Variants in THRAP3 observed in about 807,000 individuals in gnomAD.
THRAP3 encodes thyroid hormone receptor associated protein 3.
A neutral mutation model predicts 101.0 loss-of-function variants in THRAP3; 16 were observed. That is an observed-to-expected ratio of 0.16 (90% confidence interval 0.11 to 0.24). THRAP3 has a LOEUF of 0.24. Among genes scored for constraint, THRAP3 ranks in the 10% least tolerant of loss-of-function variants. THRAP3 has a pLI of 1.00. For missense variants in THRAP3, 989 were observed against 1,202.7 expected (o/e 0.82, Z 2.63); for synonymous variants, 407 against 422.6 (o/e 0.96, Z 0.45).
intron 1 of THRAP3, among the ~76,000 whole-genome samples, chr1:36,227,525 G>T (rs1008291269): frequency 6.6e-6 from 1 of 152,046 alleles, no homozygotes; most frequent in Non-Finnish European, 1.5e-5. Context: ...TAGGTGATCC[G>T]CCTGCCTCGG....
intron 1 of THRAP3, among the ~76,000 whole-genome samples, chr1:36,247,409 C>T (rs1191789404): frequency 8.6e-5 from 13 of 152,040 alleles, no homozygotes; most frequent in South Asian, 2.1e-4. Flanking sequence ...ACTGCAACCT[C>T]GGCCTCGTAG....
At chr1:36,284,204 T>C (rs1645767871) in intron 3 of THRAP3, among the ~76,000 whole-genome samples, 1 of 152,228 alleles carries the variant, frequency 6.6e-6, no homozygotes, top group Non-Finnish European at 1.5e-5. Context: ...ACAGCTGGAA[T>C]TCCGGGCAGT....
chr1:36,293,723 AT>A, intron 7 of THRAP3, 127 bp from the exon 8 acceptor site: 1 of 701,788 alleles, frequency 1.4e-6, no homozygotes, highest in East Asian at 2.7e-5. Flanking sequence ...AAAGTAATAG[AT>A]ACATAAGTCA....
At chr1:36,277,414 G>T (rs1041152821) in intron 2 of THRAP3, among the ~76,000 whole-genome samples, 3 of 151,942 alleles carry the variant, frequency 2.0e-5, no homozygotes, top group Non-Finnish European at 4.4e-5. Flanking sequence ...TGGTCAGGCT[G>T]GTCTCGAACT....
In THRAP3 at chr1:36,296,770, A is replaced by T; in HGVS notation, c.2303A>T (p.Lys768Met). Residue 768 changes from lysine (K) to methionine (M), a missense_variant and splice_region_variant, in exon 9 of 12, where the codon AAG becomes ATG. Transcript: ENST00000354618. Reference sequence around the variant, plus strand: ...ACTCATAAAGGATCAAAGAAACAGAAGTACGTAAGCCCCTGTTACCCCTTC... The same window carrying T: ...ACTCATAAAGGATCAAAGAAACAGATGTACGTAAGCCCCTGTTACCCCTTC... ...EKTHKGSKKQ[K>M]KHRRARDRSR... The T allele has an allele frequency of 6.3e-7, 1 of 1,586,838 alleles. No individual in the cohort carries two copies. The highest frequency in any genetic ancestry group is 8.5e-7 in the Non-Finnish European group (1 of 1,171,252).
Position 36,301,687 on chromosome 1 carries a change from G to T in THRAP3, c.2637G>T (p.Lys879Asn). The T allele has an allele frequency of 6.2e-7, 1 of 1,613,314 alleles. No homozygotes were observed. The highest frequency in any genetic ancestry group is 8.5e-7 in the Non-Finnish European group (1 of 1,179,526). ...WDPEYTPKSK[K>N]YYLHDDREGE... is the part of the protein sequence containing the mutation. ...CAGAGTACACACCCAAAAGCAAGAA[G>T]TATTACTTGGTATGTGTCTGGGGAT... The change falls in exon 11 of 12, where the codon AAG becomes AAT. Residue 879 changes from lysine (K) to asparagine (N), a missense_variant. Physicochemically the swap from Lys to Asn is moderately conservative, Grantham distance 94. Transcript: ENST00000354618.
intron 9 of THRAP3, among the ~76,000 whole-genome samples, chr1:36,297,444 A>ATTTTTTTT (rs764365723): frequency 8.2e-6 from 1 of 122,372 alleles, no homozygotes; most frequent in Non-Finnish European, 1.7e-5. Context: ...GCTGGCAAGC[A>ATTTTTTTT]TTTTTTTTTT....
intron 2 of THRAP3, among the ~76,000 whole-genome samples, chr1:36,278,518 G>A (rs1168001642): frequency 6.6e-6 from 1 of 152,168 alleles, no homozygotes; most frequent in Non-Finnish European, 1.5e-5. Context: ...CTTCTGAAAA[G>A]GATGATGGGC....
At chr1:36,208,716 G>C in the THRAP3 span, among the ~76,000 whole-genome samples, 2 of 152,028 alleles carry the variant, frequency 1.3e-5, no homozygotes, top group African/African-American at 4.8e-5. Context: ...CCCCAGGCTG[G>C]TATGCAGTGG....
chr1:36,250,086 T>C (rs866717665), intron 1 of THRAP3, among the ~76,000 whole-genome samples: 1 of 152,082 alleles, frequency 6.6e-6, no homozygotes, highest in Non-Finnish European at 1.5e-5. Flanking sequence ...TGGATGAAAA[T>C]TTTTACAAAA....
At chr1:36,266,399 C>T (rs1645515442) in intron 2 of THRAP3, among the ~76,000 whole-genome samples, 1 of 152,152 alleles carries the variant, frequency 6.6e-6, no homozygotes, top group Non-Finnish European at 1.5e-5. Context: ...TTGAGATAAG[C>T]AGTGCCCCTC....
rs1417581543 is a variant in THRAP3 at position 36,239,260 on chromosome 1, T to C, written c.-135+14755T>C. ...TCCCTGTGTTGCCCAGGCTGGTCTT[T>C]TTTTTTTTTTTTTTTTTGAGTCAGC... On this transcript the variant is annotated intron_variant, in intron 1 of 11. Transcript: ENST00000354618. 0.011 allele frequency among the ~76,000 whole-genome samples: 18 copies of C among 1,666 alleles called. No individual in the cohort carries two copies. In the Non-Finnish European group the frequency reaches 0.18, roughly 17 times the overall value. 1.1% of individuals were successfully genotyped at this position (1,666 alleles called of 152,430 possible).
chr1:36,226,642 C>T (rs1415896967), intron 1 of THRAP3, among the ~76,000 whole-genome samples: 3 of 152,174 alleles, frequency 2.0e-5, no homozygotes, highest in Non-Finnish European at 2.9e-5. Context: ...ATATTGACAT[C>T]CTGAATGCAA....
At chr1:36,261,510 G>A (rs944714305) in intron 2 of THRAP3, among the ~76,000 whole-genome samples, 2 of 152,164 alleles carry the variant, frequency 1.3e-5, no homozygotes, top group African/African-American at 2.4e-5. Flanking sequence ...TCCAGGCTGG[G>A]CGACAGAGCG....
upstream of THRAP3, among the ~76,000 whole-genome samples, chr1:36,220,970 AAAAT>A (rs1644900193): frequency 7.8e-6 from 1 of 128,464 alleles, no homozygotes; most frequent in African/African-American, 3.3e-5. Context: ...AAAAAAAAAA[AAAAT>A]ATATATATAT....
At chr1:36,267,037 C>T (rs190525418) in intron 2 of THRAP3, among the ~76,000 whole-genome samples, 13 of 152,146 alleles carry the variant, frequency 8.5e-5, no homozygotes, top group South Asian at 2.1e-4. Flanking sequence ...CATGCCAACA[C>T]GCCCGGCTAA....
intron 10 of THRAP3, 140 bp downstream of exon 10, chr1:36,301,224 C>A: frequency 1.1e-6 from 1 of 921,920 alleles, no homozygotes; most frequent in Non-Finnish European, 1.6e-6. Context: ...TTCTCCTTCC[C>A]ACATTTCCTG....
intron 8 of THRAP3, among the ~76,000 whole-genome samples, chr1:36,295,979 TTTTTTTTTTTTTGA>T: frequency 1.1e-5 from 1 of 91,086 alleles, no homozygotes; most frequent in African/African-American, 3.5e-5. Context: ...TTTTTTTTTT[TTTTTTTTTTTTTGA>T]GAGATAGTCT....
intron 2 of THRAP3, among the ~76,000 whole-genome samples, chr1:36,278,928 A>C (rs1645697294): frequency 6.6e-6 from 1 of 152,040 alleles, no homozygotes; most frequent in Non-Finnish European, 1.5e-5. Flanking sequence ...TGTCTCAAAA[A>C]AAAATAAATA....
Sources: allele counts gnomAD v4.1 joint callset (sites outside exome capture counted in the v4.1 genomes callset), GRCh38; gene constraint gnomAD v4.1.1; transcripts MANE v1.5; gene names NCBI Gene and HGNC (gene_info 2026-07-23, HGNC 2026-07-21).